The following DNMT1 variants were observed in gnomAD, a reference collection of about 807,000 sequenced individuals.
The protein encoded by DNMT1 is DNA (cytosine-5)-methyltransferase 1.
DNMT1 carries 24 observed loss-of-function variants against 205.3 expected under a neutral mutation model. That is an observed-to-expected ratio of 0.12 (90% CI 0.08 to 0.16). The LOEUF is 0.16. Ranked by LOEUF, DNMT1 falls within the 10% of genes least tolerant of loss-of-function variation. The pLI is 1.00. For missense variants in DNMT1, 1,293 were observed against 2,177.7 expected (o/e 0.59, Z 8.09); for synonymous variants, 817 against 839.8 (o/e 0.97, Z 0.47).
intron 1 of DNMT1, among the ~76,000 whole-genome samples, chr19:10,192,065 C>T (rs1161473451): frequency 6.6e-6 from 1 of 152,078 alleles, no homozygotes; most frequent in African/African-American, 2.4e-5. Context: ...CTCAGGTGAT[C>T]TGCCCATCTC....
In DNMT1 at chr19:10,137,606, G is replaced by A. The variant is rs138664441; in HGVS notation, c.4293+226C>T. 2.1e-3 allele frequency: 1,452 copies of A among 680,398 alleles called. 40 individuals carry two copies. In the East Asian group the frequency reaches 0.038, roughly 18 times the overall value. 42.1% of individuals were successfully genotyped at this position (680,398 alleles called of 1,614,324 possible). On this transcript the variant is annotated intron_variant, in intron 36 of 40. Coordinates refer to ENST00000359526, the MANE Select transcript of DNMT1 (RefSeq NM_001130823.3). The surrounding 1 kb of genome is among the most constrained non-coding windows in gnomAD (Gnocchi z 6.4). ...AGCAAGGGGGAAGGCAGTGGTGGGTGGGCAGTGGCTTGACACCATTCCAGA... is the reference window on the plus strand; with the variant it reads ...AGCAAGGGGGAAGGCAGTGGTGGGTAGGCAGTGGCTTGACACCATTCCAGA...
At chr19:10,189,561 A>G (rs1225479997) in intron 1 of DNMT1, among the ~76,000 whole-genome samples, 1 of 151,124 alleles carries the variant, frequency 6.6e-6, no homozygotes, top group Non-Finnish European at 1.5e-5. Context: ...CTGGGACCCC[A>G]GGTGCATGCC....
intron 1 of DNMT1, among the ~76,000 whole-genome samples, chr19:10,188,236 G>A (rs920853389): frequency 1.3e-5 from 2 of 152,172 alleles, no homozygotes; most frequent in East Asian, 3.9e-4. Flanking sequence ...GAAGGCATCC[G>A]CAGTAGGCAA....
At chr19:10,173,804 A>G (rs1156938041) in intron 8 of DNMT1, 67 bp downstream of exon 8, 7 of 1,590,006 alleles carry the variant, frequency 4.4e-6, no homozygotes, top group Non-Finnish European at 6.0e-6. Context: ...AAACTTTCTG[A>G]AAAAGTTTTG....
At chr19:10,174,745 C>A (rs112953797) in intron 7 of DNMT1, among the ~76,000 whole-genome samples, 7 of 150,212 alleles carry the variant, frequency 4.7e-5, no homozygotes, top group South Asian at 2.2e-4. Context: ...ACAAAAAAAA[C>A]AAATTGGCTG....
intron 2 of DNMT1, among the ~76,000 whole-genome samples, chr19:10,181,413 C>T (rs921245067): frequency 2.6e-5 from 4 of 151,786 alleles, no homozygotes; most frequent in African/African-American, 9.7e-5. Flanking sequence ...TGTGCCACTG[C>T]ACTCCAGCCT....
chr19:10,150,787 C>A (rs1355103749), intron 24 of DNMT1, among the ~76,000 whole-genome samples: 1 of 152,148 alleles, frequency 6.6e-6, no homozygotes, highest in African/African-American at 2.4e-5. Flanking sequence ...GCTGTGACAG[C>A]TCTCTTGGAA....
Position 10,149,591 on chromosome 19 carries a change from C to G in DNMT1, c.2448G>C (p.Gly816=). Residue 816 remains glycine (G), a synonymous_variant, in exon 26 of 41, where the codon GGG becomes GGC. Transcript: ENST00000359526. The stretch of plus-strand genomic sequence containing the variant: ...ACGTGGCCCCGAGGACTGTGTCTGT[C>G]CCAGCGCAGAACCAGTGGGCGTGAA... ...QMFHAHWFCA[G]TDTVLGATSD... is the part of the protein sequence containing the mutation. 6.2e-7 allele frequency: 1 copy of G among 1,613,998 alleles called. No homozygotes were observed. Among genetic ancestry groups the G allele is most frequent in the South Asian group, 1.1e-5 (1 of 91,070 alleles).
chr19:10,134,187 C>T (rs2089431817), intron 40 of DNMT1, 30 bp downstream of exon 40: 4 of 1,613,326 alleles, frequency 2.5e-6, no homozygotes, highest in Non-Finnish European at 3.4e-6. Context: ...CAGTCAGGCC[C>T]CAGAGGAAGC....
At chr19:10,187,511 G>A (rs1423183483) in intron 1 of DNMT1, among the ~76,000 whole-genome samples, 2 of 151,956 alleles carry the variant, frequency 1.3e-5, no homozygotes, top group African/African-American at 4.8e-5. Flanking sequence ...AGAGGCGGGA[G>A]GATCACTAGA....
rs948078023 is a variant in DNMT1, at chr19:10,149,335, A to C, written c.2586+118T>G. The C allele has an allele frequency of 1.2e-5, 16 of 1,372,790 alleles. No homozygotes were observed. The African/African-American group carries it at 1.3e-4, about 11-fold the overall frequency. The allele number at this position is 1,372,790 out of a possible 1,614,324, so 85.0% of individuals were successfully genotyped here. On this transcript the variant is annotated intron_variant, in intron 26 of 40. Transcript: ENST00000359526. ...AGCGAAACTCAGTCTCAAAACAAAA[A>C]AAAAAACAAAAAAAAAACCAAATTA...
intron 1 of DNMT1, among the ~76,000 whole-genome samples, chr19:10,190,770 TAAAATAA>T (rs2039284760): frequency 8.5e-5 from 2 of 23,424 alleles, no homozygotes; most frequent in Non-Finnish European, 1.6e-4. Context: ...GTCTCAAAAA[TAAAATAA>T]AATAAAATAA....
intron 24 of DNMT1, among the ~76,000 whole-genome samples, 174 bp from the exon 25 acceptor site, chr19:10,150,142 A>T (rs995434243): frequency 3.3e-5 from 5 of 152,180 alleles, no homozygotes; most frequent in Non-Finnish European, 7.3e-5. Flanking sequence ...TAATAAGAAA[A>T]AAGAAGAACA....
intron 28 of DNMT1, chr19:10,144,398 A>C: frequency 1.8e-5 from 4 of 228,450 alleles, no homozygotes; most frequent in Non-Finnish European, 2.6e-5. Flanking sequence ...ACAGAGCAAG[A>C]CTCCATCTCA....
rs189195828 is a variant in DNMT1, at chr19:10,137,689, G to T, written c.4293+143C>A. ...CCCATGACCATGCAAGAGAGACCAG[G>T]GGTCACACAAAGGCTGAGGACTCGG... is the stretch of plus-strand genomic sequence containing the variant. On this transcript the variant is annotated intron_variant, in intron 36 of 40. Transcript: ENST00000359526. The surrounding 1 kb of genome is among the most constrained non-coding windows in gnomAD (Gnocchi z 6.4). 6 of 1,153,114 alleles carry T rather than the reference G, an allele frequency of 5.2e-6. No homozygotes were observed. In the Admixed American group the frequency reaches 9.9e-5, roughly 19 times the overall value. The allele number at this position is 1,153,114 out of a possible 1,614,324, so 71.4% of individuals were successfully genotyped here.
intron 9 of DNMT1, among the ~76,000 whole-genome samples, chr19:10,171,849 A>G (rs2038825164): frequency 6.7e-6 from 1 of 148,550 alleles, no homozygotes; most frequent in African/African-American, 2.5e-5. Context: ...ATAAATAAAA[A>G]CACAAAAATT....
intron 17 of DNMT1, among the ~76,000 whole-genome samples, chr19:10,157,411 C>T (rs2038480616): frequency 6.6e-6 from 1 of 152,214 alleles, no homozygotes; most frequent in African/African-American, 2.4e-5. Flanking sequence ...ACACCTGCGG[C>T]CCCACTGTCC....
intron 30 of DNMT1, 157 bp downstream of exon 30, chr19:10,141,871 G>A (rs991830564): frequency 3.0e-5 from 25 of 827,196 alleles, no homozygotes; most frequent in South Asian, 1.8e-4. Flanking sequence ...TCAGACCCCC[G>A]TAAAGCTCCT....
At chr19:10,160,476 G>A in intron 13 of DNMT1, 58 bp from the exon 14 acceptor site, 2 of 1,580,842 alleles carry the variant, frequency 1.3e-6, no homozygotes, top group Non-Finnish European at 1.7e-6. Flanking sequence ...CACCCAGATA[G>A]TGCTTCGGTG....
Sources: gnomAD v4.1 joint callset for allele counts (sites outside exome capture counted in the v4.1 genomes callset) on GRCh38, gnomAD v4.1.1 for gene constraint, Gnocchi (gnomAD v3.1) non-coding constraint, MANE v1.5 for transcripts, NCBI Gene and HGNC (gene_info 2026-07-23, HGNC 2026-07-21) for gene names.